The following DUSP19 variants were observed in gnomAD, a reference collection of about 807,000 sequenced individuals.
DUSP19 encodes dual specificity protein phosphatase 19.
Under a neutral mutation model 16.6 loss-of-function variants are expected in DUSP19, and 14 were observed. The ratio of observed to expected loss-of-function variants is 0.84; its 90% confidence interval spans 0.56 to 1.32. DUSP19 has a LOEUF of 1.32. DUSP19 is among the 40% of genes most tolerant of loss of function. The probability of loss-of-function intolerance (pLI) is 0.00; values close to 1 mark genes in which losing one functional copy is unlikely to be tolerated. For synonymous variants in DUSP19, 81 were observed against 90.5 expected, an observed-to-expected ratio of 0.90 and a Z score of 0.59; for missense variants, 258 against 255.9, an observed-to-expected ratio of 1.01 and a Z score of -0.06.
chr2:183,088,391 T>C (rs1438659368), intron 3 of DUSP19, among the ~76,000 whole-genome samples: 1 of 150,514 alleles, frequency 6.6e-6, no homozygotes, highest in Admixed American at 6.6e-5. Flanking sequence ...GTTTTTTGTT[T>C]TTTGTGTTTT....
chr2:183,099,723 A>G lies in DUSP19; in HGVS notation c.*4065A>G, dbSNP rs562731252. 4.4e-4 allele frequency: 67 copies of G among 151,804 alleles called. No homozygotes were observed. The highest frequency in any genetic ancestry group is 1.6e-3 in the African/African-American group (67 of 41,060). The allele number at this position is 151,804 out of a possible 1,614,324, so 9.4% of individuals were successfully genotyped here. On this transcript the variant is annotated 3_prime_UTR_variant, in exon 4 of 4. Transcript: ENST00000354221. ...TGAATTAAAAAATCTGTTGGTGGCCAGGCGCAGTGGCTCATGCCTGTAATC... is the reference window on the plus strand; with the variant it reads ...TGAATTAAAAAATCTGTTGGTGGCCGGGCGCAGTGGCTCATGCCTGTAATC...
chr2:183,095,218 G>C (rs1454726377), intron 3 of DUSP19, among the ~76,000 whole-genome samples: 3 of 152,144 alleles, frequency 2.0e-5, no homozygotes, highest in Non-Finnish European at 4.4e-5. Context: ...TGGGTTAGTA[G>C]GTAAGGGAGG....
rs1362698233 is a variant in DUSP19 at position 183,095,699 on chromosome 2, T to C, written c.*41T>C. ...ACAATGGACAACTGTAGTTTCTGAA[T>C]TGACTTCTATAGCCATCTTTTCCCT... On this transcript the variant is annotated 3_prime_UTR_variant, in exon 4 of 4. Coordinates refer to ENST00000354221, the MANE Select transcript of DUSP19 (RefSeq NM_080876.4). The C allele has an allele frequency of 1.3e-6, 2 of 1,499,462 alleles. No individual in the cohort carries two copies. Among genetic ancestry groups the C allele is most frequent in the East Asian group, 2.3e-5 (1 of 43,656 alleles). The allele number at this position is 1,499,462 out of a possible 1,614,324, so 92.9% of individuals were successfully genotyped here.
intron 3 of DUSP19, among the ~76,000 whole-genome samples, chr2:183,088,404 T>G (rs1381354642): frequency 2.7e-5 from 4 of 147,780 alleles, no homozygotes; most frequent in African/African-American, 7.7e-5. Flanking sequence ...TGTGTTTTTT[T>G]TTTTTGTTTT....
At position 183,078,781 on chromosome 2, in the gene DUSP19, C is replaced by T. The variant is rs569602985; in HGVS notation, c.-153C>T. 48 of 656,596 alleles carry T rather than the reference C, an allele frequency of 7.3e-5. No individual in the cohort carries two copies. In the Middle Eastern group the frequency reaches 1.0e-3, roughly 14 times the overall value. 40.7% of individuals were successfully genotyped at this position (656,596 alleles called of 1,614,324 possible). ...CGCTGGGATAAACGGAGCTGGACGA[C>T]TCAGTCTCTTGGTCTGTGGCTGCTG... On this transcript the variant is annotated 5_prime_UTR_variant, in exon 1 of 4. Coordinates refer to ENST00000354221, the MANE Select transcript of DUSP19 (RefSeq NM_080876.4).
At chr2:183,086,554 G>A (rs1032968088) in intron 2 of DUSP19, among the ~76,000 whole-genome samples, 1 of 150,738 alleles carries the variant, frequency 6.6e-6, no homozygotes, top group Non-Finnish European at 1.5e-5. Flanking sequence ...TACCTGTAAT[G>A]CCAGCACTGT....
chr2:183,080,373 T>G (rs1038706849), intron 1 of DUSP19, among the ~76,000 whole-genome samples: 2 of 152,234 alleles, frequency 1.3e-5, no homozygotes, highest in African/African-American at 4.8e-5. Context: ...ATATGAATTG[T>G]TACATAGGCT....
chr2:183,091,853 T>G (rs1258902194), intron 3 of DUSP19, among the ~76,000 whole-genome samples: 1 of 152,196 alleles, frequency 6.6e-6, no homozygotes, highest in Non-Finnish European at 1.5e-5. Flanking sequence ...TAAAACAGCC[T>G]TAGGTTCCCT....
chr2:183,098,778 T>C lies in DUSP19; in HGVS notation c.*3120T>C, dbSNP rs1699836791. On this transcript the variant is annotated 3_prime_UTR_variant, in exon 4 of 4. Transcript: ENST00000354221. ...TTTGAGGTTAATTGAAGTTAATAAT[T>C]TTTAAATTTTTTTCTAATTTTATGC... The C allele has an allele frequency of 6.6e-6, 1 of 152,184 alleles. No homozygotes were observed. The highest frequency in any genetic ancestry group is 6.5e-5 in the Admixed American group (1 of 15,286). 9.4% of individuals were successfully genotyped at this position (152,184 alleles called of 1,614,324 possible). A position where few individuals can be genotyped will look rare whatever the true frequency, so the allele number is the denominator to read the frequency against.
At chr2:183,094,483 G>T (rs913686025) in intron 3 of DUSP19, among the ~76,000 whole-genome samples, 8 of 152,196 alleles carry the variant, frequency 5.3e-5, no homozygotes, top group African/African-American at 1.9e-4. Context: ...ATTTCATTTA[G>T]ATCATTAACT....
rs755482803 is a variant in DUSP19, at chr2:183,079,016, GA to G, written c.86del (p.Lys29ArgfsTer4). On this transcript the variant is annotated frameshift_variant, in exon 1 of 4. Coordinates refer to ENST00000354221, the MANE Select transcript of DUSP19 (RefSeq NM_080876.4). LOFTEE classifies it high-confidence loss of function. Reference protein sequence around the residue: ...KQCTRVTTLTGKKIIETWKDA... With the variant: ...KQCTRVTTLTXKKIIETWKDA... Reference sequence around the variant, plus strand: ...TGCACCAGGGTGACAACGCTAACTGGAAAGAAAATTATAGAAACATGGAAAG... The same window carrying G: ...TGCACCAGGGTGACAACGCTAACTGGAAGAAAATTATAGAAACATGGAAAG... 1 of 1,614,126 alleles carries G rather than the reference GA, an allele frequency of 6.2e-7. No individual in the cohort carries two copies. The highest frequency in any genetic ancestry group is 8.5e-7 in the Non-Finnish European group (1 of 1,180,020).
chr2:183,083,607 T>A (rs1699622238), intron 2 of DUSP19, 53 bp downstream of exon 2: 5 of 1,498,418 alleles, frequency 3.3e-6, no homozygotes, highest in Non-Finnish European at 3.7e-6. Flanking sequence ...TTTAATTGTT[T>A]TATTTAGGAA....
intron 2 of DUSP19, among the ~76,000 whole-genome samples, chr2:183,086,771 T>C: frequency 6.6e-6 from 1 of 151,796 alleles, no homozygotes; most frequent in East Asian, 1.9e-4. Context: ...TGCAGTGGCC[T>C]ATGATTGCAT....
Position 183,087,056 on chromosome 2 carries a change from A to T in DUSP19, c.290A>T (p.Asn97Ile). 1 of 1,610,936 alleles carries T rather than the reference A, an allele frequency of 6.2e-7. No homozygotes were observed. Among genetic ancestry groups the T allele is most frequent in the Non-Finnish European group, 8.5e-7 (1 of 1,179,498 alleles). Residue 97 changes from asparagine (N) to isoleucine (I), a missense_variant, in exon 3 of 4, where the codon AAT becomes ATT. Physicochemically the swap from Asn to Ile is moderately radical, Grantham distance 149 (BLOSUM62 -3). Transcript: ENST00000354221. Reference sequence around the variant, plus strand: ...CTCTTTAAGGTGACTCATATTCTTAATGTTGCATATGGAGTTGAAAATGCT... The same window carrying T: ...CTCTTTAAGGTGACTCATATTCTTATTGTTGCATATGGAGTTGAAAATGCT... ...LKKNKVTHIL[N>I]VAYGVENAFL...
rs1575100059 is a variant in DUSP19, at chr2:183,097,716, G to A, written c.*2058G>A. The A allele has an allele frequency of 6.6e-6, 1 of 152,128 alleles. No individual in the cohort carries two copies. The highest frequency in any genetic ancestry group is 1.9e-4 in the East Asian group (1 of 5,190). 9.4% of individuals were successfully genotyped at this position (152,128 alleles called of 1,614,324 possible). A position where few individuals can be genotyped will look rare whatever the true frequency, so the allele number is the denominator to read the frequency against. ...GACTGATGTATAGGTTCTCTCTATG[G>A]TCAGTATCACTGGATAAGCCTTCTC... On this transcript the variant is annotated 3_prime_UTR_variant, in exon 4 of 4. Coordinates refer to ENST00000354221, the MANE Select transcript of DUSP19 (RefSeq NM_080876.4).
intron 1 of DUSP19, 48 bp from the exon 2 acceptor site, chr2:183,083,460 C>G (rs1382136109): frequency 6.7e-7 from 1 of 1,487,746 alleles, no homozygotes; most frequent in Non-Finnish European, 9.1e-7. Flanking sequence ...TATAAAAGTT[C>G]AAGATGATTA....
In DUSP19 at chr2:183,079,163, A is replaced by T. The variant is rs377533227; in HGVS notation, c.226+4A>T. The T allele has an allele frequency of 1.1e-4, 179 of 1,611,750 alleles. No homozygotes were observed. The highest frequency in any genetic ancestry group is 1.4e-4 in the Non-Finnish European group (165 of 1,178,754). ...ATTAAGCCATGGTTGCTCCTAGGTG[A>T]GTATATCGACTTGCCACTAGATCAT... is the stretch of plus-strand genomic sequence containing the variant. On this transcript the variant is annotated splice_donor_region_variant and intron_variant, in intron 1 of 3. Coordinates refer to ENST00000354221, the MANE Select transcript of DUSP19 (RefSeq NM_080876.4).
Position 183,095,784 on chromosome 2 carries a change from G to A in DUSP19, c.*126G>A. The A allele has an allele frequency of 1.5e-6, 1 of 651,132 alleles. No individual in the cohort carries two copies. The highest frequency in any genetic ancestry group is 2.6e-6 in the Non-Finnish European group (1 of 387,672). 40.3% of individuals were successfully genotyped at this position (651,132 alleles called of 1,614,324 possible). A position where few individuals can be genotyped will look rare whatever the true frequency, so the allele number is the denominator to read the frequency against. On this transcript the variant is annotated 3_prime_UTR_variant, in exon 4 of 4. Coordinates refer to ENST00000354221, the MANE Select transcript of DUSP19 (RefSeq NM_080876.4). ...TCTCTTGCCTTTTTTATGCATAAAT[G>A]GAGGTCAATTTGATTGTCCTGACCT...
chr2:183,085,947 C>A (rs1699656690), intron 2 of DUSP19, among the ~76,000 whole-genome samples: 1 of 132,876 alleles, frequency 7.5e-6, no homozygotes, highest in African/African-American at 2.8e-5. Flanking sequence ...CTCACTGCAA[C>A]CTTTACCTCC....
Sources: gnomAD v4.1 joint callset for allele counts (sites outside exome capture counted in the v4.1 genomes callset) on GRCh38, gnomAD v4.1.1 for gene constraint, MANE v1.5 for transcripts, NCBI Gene and HGNC (gene_info 2026-07-23, HGNC 2026-07-21) for gene names.